ALLC: variants seen among roughly 807,000 people sequenced by gnomAD.
The protein encoded by ALLC is probable inactive allantoicase.
Under a neutral mutation model 45.0 loss-of-function variants are expected in ALLC, and 40 were observed. The observed-to-expected ratio is 0.89, with a 90% CI of 0.69 to 1.16. ALLC has a LOEUF of 1.16. Ranked by LOEUF, ALLC falls within the 50% of genes most tolerant of loss-of-function variation. The pLI is 0.00. For missense variants in ALLC, 488 were observed against 493.1 expected, an observed-to-expected ratio of 0.99 and a Z score of 0.10; for synonymous variants, 176 against 178.1, an observed-to-expected ratio of 0.99 and a Z score of 0.09.
At chr2:3,679,234 T>C (rs1283512148) in intron 4 of ALLC, among the ~76,000 whole-genome samples, 1 of 152,208 alleles carries the variant, frequency 6.6e-6, no homozygotes, top group African/African-American at 2.4e-5. Context: ...TTCTAACAAA[T>C]CTGGACATTT....
intron 10 of ALLC, among the ~76,000 whole-genome samples, chr2:3,698,351 G>A (rs1374138936): frequency 6.6e-6 from 1 of 152,218 alleles, no homozygotes; most frequent in East Asian, 1.9e-4. Context: ...GACACTGTCC[G>A]GCTCTTTACC....
At chr2:3,676,814 G>T (rs1667035575) in intron 3 of ALLC, among the ~76,000 whole-genome samples, 1 of 151,804 alleles carries the variant, frequency 6.6e-6, no homozygotes, top group African/African-American at 2.4e-5. Context: ...TTGAGACAGA[G>T]TCTCACTCTG....
chr2:3,651,958 G>C, the ALLC span, among the ~76,000 whole-genome samples: 1 of 152,226 alleles, frequency 6.6e-6, no homozygotes, highest in Non-Finnish European at 1.5e-5. Flanking sequence ...GCCGGTGAGG[G>C]CTGAGGTCAC....
At chr2:3,650,372 G>A in the ALLC span, among the ~76,000 whole-genome samples, 3 of 152,190 alleles carry the variant, frequency 2.0e-5, no homozygotes, top group African/African-American at 7.2e-5. Flanking sequence ...CCACCGGGCT[G>A]ATGGCCCCTG....
intron 3 of ALLC, 28 bp from the exon 4 acceptor site, chr2:3,678,440 G>A (rs749845793): frequency 3.2e-6 from 5 of 1,580,480 alleles, no homozygotes; most frequent in Admixed American, 3.3e-5. Flanking sequence ...GAATGTTAAT[G>A]ATCACCTTGT....
At chr2:3,700,844 A>G (rs1484875196) in intron 10 of ALLC, among the ~76,000 whole-genome samples, 1 of 152,152 alleles carries the variant, frequency 6.6e-6, no homozygotes, top group Admixed American at 6.6e-5. Flanking sequence ...CCTCTTTTCC[A>G]GGGTTCTTGA....
the ALLC span, among the ~76,000 whole-genome samples, chr2:3,650,129 A>G: frequency 6.6e-6 from 1 of 152,246 alleles, no homozygotes; most frequent in Non-Finnish European, 1.5e-5. Context: ...GCCGTTCGGC[A>G]CTGGCTGCAC....
chr2:3,662,198 T>C (rs149181735), intron 1 of ALLC, among the ~76,000 whole-genome samples: 1 of 152,358 alleles, frequency 6.6e-6, no homozygotes, highest in Non-Finnish European at 1.5e-5. Flanking sequence ...TGTGTGATGA[T>C]GCTGGGCCCA....
chr2:3,690,591 AAACATCTT>A (rs1245550131), intron 7 of ALLC, among the ~76,000 whole-genome samples: 9 of 151,568 alleles, frequency 5.9e-5, no homozygotes, highest in African/African-American at 1.9e-4. Context: ...AGGCTTATAA[AAACATCTT>A]ATAACAAGTT....
At chr2:3,652,565 C>A in the ALLC span, among the ~76,000 whole-genome samples, 1 of 151,214 alleles carries the variant, frequency 6.6e-6, no homozygotes, top group African/African-American at 2.4e-5. Flanking sequence ...TAACAAACCA[C>A]CCCAAAACTT....
At chr2:3,681,546 C>T (rs1306463050) in intron 5 of ALLC, 88 bp from the exon 6 acceptor site, 16 of 873,684 alleles carry the variant, frequency 1.8e-5, no homozygotes, top group East Asian at 5.5e-5. Context: ...ATTTGCAAAG[C>T]GAGAATTACC....
At chr2:3,648,701 C>T in the ALLC span, among the ~76,000 whole-genome samples, 2 of 152,202 alleles carry the variant, frequency 1.3e-5, no homozygotes, top group Non-Finnish European at 1.5e-5. Context: ...CACTGCCCCC[C>T]ATTCTCTGCT....
the ALLC span, among the ~76,000 whole-genome samples, chr2:3,651,283 G>T: frequency 1.8e-5 from 2 of 109,464 alleles, no homozygotes; most frequent in African/African-American, 7.6e-5. Flanking sequence ...GCCGATGCTT[G>T]CGGGAATTCT....
intron 5 of ALLC, 85 bp from the exon 6 acceptor site, chr2:3,681,549 G>A: frequency 2.2e-6 from 2 of 923,504 alleles, no homozygotes; most frequent in Admixed American, 2.8e-5. Flanking sequence ...TGCAAAGCGA[G>A]AATTACCATA....
intron 7 of ALLC, among the ~76,000 whole-genome samples, chr2:3,684,956 T>C (rs6743352): frequency 0.14 from 20,985 of 152,130 alleles, 1,915 homozygotes; most frequent in African/African-American, 0.26. Context: ...TCTATTCCTC[T>C]GTTAATGGGC....
In ALLC at chr2:3,680,552, C is replaced by T. The variant is rs567899404; in HGVS notation, c.298+558C>T. 6.6e-6 allele frequency among the ~76,000 whole-genome samples: 1 copy of T among 152,258 alleles called. No individual in the cohort carries two copies. Among genetic ancestry groups the T allele is most frequent in the East Asian group, 1.9e-4 (1 of 5,186 alleles). On this transcript the variant is annotated intron_variant, in intron 5 of 11. Coordinates refer to ENST00000252505, the MANE Select transcript of ALLC (RefSeq NM_018436.4). The surrounding 1 kb of genome is among the most constrained non-coding windows in gnomAD (Gnocchi z 4.0). ...AGCAGACCTCAGGTGCTGAAGAAGC[C>T]AAGAAACCAAAGAAAGAGGCTGACA...
intron 1 of ALLC, among the ~76,000 whole-genome samples, chr2:3,659,446 C>G (rs1196163213): frequency 6.6e-6 from 1 of 152,186 alleles, no homozygotes; most frequent in Non-Finnish European, 1.5e-5. Flanking sequence ...GCATGTTCCT[C>G]AAACATCAGA....
At chr2:3,682,111 TG>T (rs1265677694) in intron 6 of ALLC, among the ~76,000 whole-genome samples, 1 of 152,244 alleles carries the variant, frequency 6.6e-6, no homozygotes, top group African/African-American at 2.4e-5. Flanking sequence ...GGTACATTCT[TG>T]TTTTTTTAAT....
chr2:3,651,442 T>TGTGTGTGTGTGTGTGTG, the ALLC span, among the ~76,000 whole-genome samples: 107 of 25,596 alleles, frequency 4.2e-3, 37 homozygotes, highest in South Asian at 0.011. Flanking sequence ...TGTGTGTGTG[T>TGTGTGTGTGTGTGTGTG]TAGGAAGGGA....
Sources: gnomAD v4.1 joint callset for allele counts (sites outside exome capture counted in the v4.1 genomes callset) on GRCh38, gnomAD v4.1.1 for gene constraint, Gnocchi (gnomAD v3.1) non-coding constraint, MANE v1.5 for transcripts, NCBI Gene and HGNC (gene_info 2026-07-23, HGNC 2026-07-21) for gene names.